Variants in ASCC3 observed in about 807,000 individuals in gnomAD.
ASCC3 encodes the protein ASC-1 complex subunit P200.
ASCC3 carries 158 observed loss-of-function variants against 256.3 expected under a neutral mutation model. The observed-to-expected ratio is 0.62, with a 90% CI of 0.54 to 0.70. ASCC3 has a LOEUF of 0.70. Ranked by LOEUF, ASCC3 falls within the 30% of genes least tolerant of loss-of-function variation. The pLI, the probability that ASCC3 is intolerant of heterozygous loss-of-function variation, is 0.00. For missense variants in ASCC3, 2,259 were observed against 2,626.0 expected, an observed-to-expected ratio of 0.86 and a Z score of 3.05; for synonymous variants, 948 against 883.4, an observed-to-expected ratio of 1.07 and a Z score of -1.30.
At chr6:100,696,643 T>G (rs899444167) in intron 13 of ASCC3, among the ~76,000 whole-genome samples, 2 of 151,970 alleles carry the variant, frequency 1.3e-5, no homozygotes, top group Non-Finnish European at 2.9e-5. Flanking sequence ...TTTAGAGAAT[T>G]TTCTACAACT....
chr6:100,615,020 T>A (rs755099516), intron 30 of ASCC3, among the ~76,000 whole-genome samples: 1 of 152,064 alleles, frequency 6.6e-6, no homozygotes, highest in Admixed American at 6.6e-5. Flanking sequence ...TTCCTTTTCT[T>A]AAAAAAAATT....
At chr6:100,758,620 T>G (rs896097401) in intron 10 of ASCC3, among the ~76,000 whole-genome samples, 1 of 152,246 alleles carries the variant, frequency 6.6e-6, no homozygotes, top group African/African-American at 2.4e-5. Flanking sequence ...TACCACATTT[T>G]CTTTATCCAG....
chr6:100,582,738 C>A (rs1372105055), intron 36 of ASCC3, among the ~76,000 whole-genome samples: 1 of 151,888 alleles, frequency 6.6e-6, no homozygotes, highest in Non-Finnish European at 1.5e-5. Context: ...ATAGATAGCT[C>A]TTATTATTTT....
chr6:100,870,790 T>C (rs1243960784), intron 1 of ASCC3, among the ~76,000 whole-genome samples: 2 of 152,184 alleles, frequency 1.3e-5, no homozygotes, highest in African/African-American at 2.4e-5. Flanking sequence ...ATCTGGATTT[T>C]TCTAACACTA....
chr6:100,605,070 C>T (rs1299722875), intron 33 of ASCC3, among the ~76,000 whole-genome samples: 1 of 152,156 alleles, frequency 6.6e-6, no homozygotes, highest in Non-Finnish European at 1.5e-5. Flanking sequence ...TAATTACATG[C>T]TCCCTTATTT....
At chr6:100,658,985 G>C (rs751629421) in intron 16 of ASCC3, among the ~76,000 whole-genome samples, 1 of 151,388 alleles carries the variant, frequency 6.6e-6, no homozygotes, top group East Asian at 1.9e-4. Context: ...CTTTATATAT[G>C]GATGGGACTT....
At chr6:100,612,713 G>A (rs1282966505) in intron 30 of ASCC3, among the ~76,000 whole-genome samples, 1 of 151,822 alleles carries the variant, frequency 6.6e-6, no homozygotes, top group African/African-American at 2.4e-5. Context: ...GAAAAACAAT[G>A]AAACATTTTA....
At chr6:100,672,709 T>C (rs1263565692) in intron 14 of ASCC3, among the ~76,000 whole-genome samples, 2 of 152,098 alleles carry the variant, frequency 1.3e-5, no homozygotes, top group African/African-American at 2.4e-5. Flanking sequence ...TCTGGACTTC[T>C]ACTCCTCTGA....
chr6:100,548,935 A>AAATTAGGTAGAGT (rs1485668378), intron 36 of ASCC3, among the ~76,000 whole-genome samples: 1 of 151,998 alleles, frequency 6.6e-6, no homozygotes, highest in African/African-American at 2.4e-5. Flanking sequence ...TTTAATTTAT[A>AAATTAGGTAGAGT]AATTAGGTAG....
intron 24 of ASCC3, among the ~76,000 whole-genome samples, chr6:100,639,843 G>A (rs144842682): frequency 0.015 from 2,356 of 152,246 alleles, 25 homozygotes; most frequent in East Asian, 0.045. Context: ...GGCCGGGAGC[G>A]GTGGCTCAAG....
chr6:100,729,023 C>T (rs1779770233), intron 10 of ASCC3, among the ~76,000 whole-genome samples: 1 of 152,136 alleles, frequency 6.6e-6, no homozygotes, highest in African/African-American at 2.4e-5. Flanking sequence ...TATACTGAAA[C>T]TTTTGACAAA....
chr6:100,788,601 A>T (rs1769200707), intron 8 of ASCC3, among the ~76,000 whole-genome samples: 1 of 151,936 alleles, frequency 6.6e-6, no homozygotes. Flanking sequence ...CGGATACAAA[A>T]TGTAATACGT....
intron 3 of ASCC3, among the ~76,000 whole-genome samples, chr6:100,860,707 T>G (rs1365951920): frequency 6.6e-6 from 1 of 151,994 alleles, no homozygotes; most frequent in African/African-American, 2.4e-5. Context: ...AAAATAATTA[T>G]GAAACAAGTA....
intron 10 of ASCC3, among the ~76,000 whole-genome samples, chr6:100,762,208 T>A (rs1781454068): frequency 6.6e-6 from 1 of 152,162 alleles, no homozygotes; most frequent in Non-Finnish European, 1.5e-5. Flanking sequence ...AAATAACCTA[T>A]CTCAACTCCC....
At chr6:100,718,285 T>G in intron 11 of ASCC3, 34 bp from the exon 12 acceptor site, 1 of 1,511,074 alleles carries the variant, frequency 6.6e-7, no homozygotes, top group Non-Finnish European at 9.0e-7. Context: ...TATGGGTTAT[T>G]TAAATTAATT....
At chr6:100,800,545 G>T in intron 5 of ASCC3, 41 bp from the exon 6 acceptor site, 2 of 1,424,186 alleles carry the variant, frequency 1.4e-6, no homozygotes, top group Non-Finnish European at 1.9e-6. Flanking sequence ...TTATAAATCT[G>T]AATATGATTT....
intron 10 of ASCC3, among the ~76,000 whole-genome samples, chr6:100,740,103 C>T (rs890690324): frequency 6.6e-6 from 1 of 152,168 alleles, no homozygotes; most frequent in Non-Finnish European, 1.5e-5. Context: ...ACTGCTTTCA[C>T]TGTATCCCAG....
intron 13 of ASCC3, among the ~76,000 whole-genome samples, chr6:100,704,219 A>T (rs899027491): frequency 6.6e-6 from 1 of 152,008 alleles, no homozygotes; most frequent in African/African-American, 2.4e-5. Context: ...CTTTAGTGGT[A>T]AAGATGAAGG....
chr6:100,625,858 C>T lies in ASCC3; in HGVS notation c.4643-524G>A, dbSNP rs558696255. ...TAGAAAAATTAGGAGAAGTTTGTAC[C>T]AGTAAACAGGTTAAGAGATAAATCA... On this transcript the variant is annotated intron_variant, in intron 29 of 41. Coordinates refer to ENST00000369162, the MANE Select transcript of ASCC3 (RefSeq NM_006828.4). 3.9e-5 allele frequency among the ~76,000 whole-genome samples: 6 copies of T among 152,010 alleles called. No homozygotes were observed. The South Asian group carries it at 1.0e-3, about 26-fold the overall frequency.
Sources: gnomAD v4.1 joint callset for allele counts (sites outside exome capture counted in the v4.1 genomes callset) on GRCh38, gnomAD v4.1.1 for gene constraint, MANE v1.5 for transcripts, NCBI Gene and HGNC (gene_info 2026-07-23, HGNC 2026-07-21) for gene names.